ZNF618: variants seen among roughly 807,000 people sequenced by gnomAD.
The protein encoded by ZNF618 is zinc finger protein 618.
Under a neutral mutation model 103.0 loss-of-function variants are expected in ZNF618, and 34 were observed. That is an observed-to-expected ratio of 0.33 (90% confidence interval 0.25 to 0.44). The LOEUF is 0.44. Among genes scored for constraint, ZNF618 ranks in the 20% least tolerant of loss-of-function variants. The pLI is 1.00. For missense variants in ZNF618, 1,059 were observed against 1,295.4 expected (o/e 0.82, Z 2.80); for synonymous variants, 551 against 542.2 (o/e 1.02, Z -0.23).
At position 114,048,997 on chromosome 9, in the gene ZNF618, C is replaced by A. The variant is rs753110207; in HGVS notation, c.1695C>A (p.Ile565=). 8 of 1,613,318 alleles carry A rather than the reference C, an allele frequency of 5.0e-6. No individual in the cohort carries two copies. The highest frequency in any genetic ancestry group is 1.3e-5 in the African/African-American group (1 of 74,944). ...SQSVGPDSCY[I]LTAYQAEGNH... ...GTGTTGGCCCTGACTCCTGCTACAT[C>A]CTCACAGCCTACCAGGCCGAGGGCA... is the stretch of plus-strand genomic sequence containing the variant. The change falls in exon 15 of 15, where the codon ATC becomes ATA. Residue 565 remains isoleucine (I), a synonymous_variant. Transcript: ENST00000374126.
At chr9:114,018,702 G>C in intron 10 of ZNF618, among the ~76,000 whole-genome samples, 1 of 152,158 alleles carries the variant, frequency 6.6e-6, no homozygotes, top group African/African-American at 2.4e-5. Flanking sequence ...CTCTCCTGAA[G>C]GGCTGTCTAC....
At chr9:113,882,438 T>C (rs1242443201) in intron 1 of ZNF618, among the ~76,000 whole-genome samples, 1 of 152,022 alleles carries the variant, frequency 6.6e-6, no homozygotes, top group Non-Finnish European at 1.5e-5. Flanking sequence ...AGGGCCTGAG[T>C]AGGTGGTCGA....
intron 1 of ZNF618, among the ~76,000 whole-genome samples, chr9:113,900,763 C>T (rs1165447556): frequency 2.5e-5 from 3 of 120,556 alleles, no homozygotes; most frequent in African/African-American, 1.0e-4. Flanking sequence ...GCAAACCCGA[C>T]CTCCTGTCTC....
intron 6 of ZNF618, among the ~76,000 whole-genome samples, chr9:114,004,938 G>A (rs1326336594): frequency 6.6e-6 from 1 of 152,202 alleles, no homozygotes; most frequent in African/African-American, 2.4e-5. Context: ...GAAGCAGACA[G>A]ACATATTCAC....
intron 13 of ZNF618, among the ~76,000 whole-genome samples, chr9:114,038,520 G>A (rs1439499322): frequency 6.6e-6 from 1 of 152,220 alleles, no homozygotes; most frequent in East Asian, 1.9e-4. Context: ...CATGAGCTGC[G>A]CAGTTCACAG....
chr9:113,939,810 C>A (rs756596811), intron 1 of ZNF618, among the ~76,000 whole-genome samples: 2 of 152,032 alleles, frequency 1.3e-5, no homozygotes, highest in Non-Finnish European at 2.9e-5. Context: ...GTAGTCATAG[C>A]CACTTTTTCA....
chr9:113,971,530 A>G (rs1837965262), intron 2 of ZNF618, among the ~76,000 whole-genome samples: 1 of 152,190 alleles, frequency 6.6e-6, no homozygotes, highest in South Asian at 2.1e-4. Flanking sequence ...TGTCTCCTGC[A>G]TGGCAGGCAC....
chr9:114,048,076 G>T, intron 14 of ZNF618, 82 bp downstream of exon 14: 1 of 1,204,190 alleles, frequency 8.3e-7, no homozygotes, highest in Non-Finnish European at 1.2e-6. Flanking sequence ...CCCACCATTT[G>T]TGCTTCCTGT....
rs16910836 is a variant in ZNF618 at position 113,943,932 on chromosome 9, A to G, written c.34-25185A>G. ...CTTGCTTTGCTGTGATTCAGAGAGT[A>G]AGAGTCAAGTGAGGCTTAGGTTTTC... On this transcript the variant is annotated intron_variant, in intron 1 of 14. Coordinates refer to ENST00000374126, the MANE Select transcript of ZNF618 (RefSeq NM_001318042.2). 6.5e-3 allele frequency among the ~76,000 whole-genome samples: 990 copies of G among 152,306 alleles called. 11 individuals carry two copies. Among genetic ancestry groups the G allele is most frequent in the African/African-American group, 0.022 (934 of 41,556 alleles).
chr9:114,002,201 A>T, intron 5 of ZNF618, 128 bp downstream of exon 5: 1 of 836,050 alleles, frequency 1.2e-6, no homozygotes, highest in South Asian at 1.4e-5. Context: ...TTCTCCTCCT[A>T]CTTTCATCAG....
intron 2 of ZNF618, among the ~76,000 whole-genome samples, chr9:113,981,133 G>GAGC (rs1316313894): frequency 1.3e-5 from 2 of 152,194 alleles, no homozygotes; most frequent in African/African-American, 2.4e-5. Context: ...CTCAGCTGGA[G>GAGC]AGCAGTTCAC....
chr9:114,031,344 G>A (rs1199797366), intron 11 of ZNF618, among the ~76,000 whole-genome samples: 1 of 152,170 alleles, frequency 6.6e-6, no homozygotes, highest in African/African-American at 2.4e-5. Context: ...TGAAGGGAGG[G>A]TTGTCCTTGT....
At chr9:114,032,810 G>A in intron 12 of ZNF618, 82 bp downstream of exon 12, 1 of 1,242,640 alleles carries the variant, frequency 8.0e-7, no homozygotes, top group Non-Finnish European at 1.2e-6. Context: ...GCAGCATCCT[G>A]TGGGCTGGGG....
chr9:114,048,577 G>C, intron 14 of ZNF618, 74 bp from the exon 15 acceptor site: 1 of 1,463,764 alleles, frequency 6.8e-7, no homozygotes, highest in South Asian at 1.3e-5. Flanking sequence ...GATGTTTAGA[G>C]TGTTAGGCTA....
chr9:113,959,263 G>C (rs886384441), intron 1 of ZNF618, among the ~76,000 whole-genome samples: 4 of 151,882 alleles, frequency 2.6e-5, no homozygotes, highest in Non-Finnish European at 5.9e-5. Context: ...CTCCAGCCTG[G>C]GCAACAAGAG....
At chr9:114,030,886 G>GT (rs1843963161) in intron 11 of ZNF618, 1 of 152,184 alleles carries the variant, frequency 6.6e-6, no homozygotes, top group Non-Finnish European at 1.5e-5. Flanking sequence ...CTCAATTGTG[G>GT]TAAGTTTACC....
intron 1 of ZNF618, among the ~76,000 whole-genome samples, chr9:113,939,649 C>T (rs1834374371): frequency 6.6e-6 from 1 of 151,722 alleles, no homozygotes; most frequent in South Asian, 2.1e-4. Flanking sequence ...TAATTATTGG[C>T]CTATTTGTTT....
At chr9:113,880,370 T>C (rs1056502882) in intron 1 of ZNF618, among the ~76,000 whole-genome samples, 3 of 152,136 alleles carry the variant, frequency 2.0e-5, no homozygotes, top group African/African-American at 7.2e-5. Context: ...TTTGCATTTA[T>C]AAAATGAACA....
In ZNF618 at chr9:114,052,868, C is replaced by G. The variant is rs12003412; in HGVS notation, c.*2701C>G. 0.2 allele frequency: 29,844 copies of G among 152,192 alleles called. 3,123 individuals carry two copies. The highest frequency in any genetic ancestry group is 0.29 in the Middle Eastern group (86 of 294). The allele number at this position is 152,192 out of a possible 1,614,324, so 9.4% of individuals were successfully genotyped here. ...TTCTTCTCTTTGAAGCATGGGATGT[C>G]TGTCCTCCAGGAAGAGATTTGATCT... On this transcript the variant is annotated 3_prime_UTR_variant, in exon 15 of 15. Transcript: ENST00000374126.
Sources: allele counts gnomAD v4.1 joint callset (sites outside exome capture counted in the v4.1 genomes callset), GRCh38; gene constraint gnomAD v4.1.1; transcripts MANE v1.5; gene names NCBI Gene and HGNC (gene_info 2026-07-23, HGNC 2026-07-21).